PDE4D: variants seen among roughly 807,000 people sequenced by gnomAD.
PDE4D encodes the protein 3',5'-cyclic-AMP phosphodiesterase 4D.
In PDE4D, 24 loss-of-function variants were observed where a neutral mutation model predicts 87.4. The observed-to-expected ratio is 0.27, with a 90% CI of 0.20 to 0.39. The LOEUF is 0.39. Among genes scored for constraint, PDE4D ranks in the 10% least tolerant of loss-of-function variants. PDE4D has a pLI of 1.00. For synonymous variants in PDE4D, 384 were observed against 383.2 expected (o/e 1.00, Z -0.02); for missense variants, 714 against 1,041.0 (o/e 0.69, Z 4.32).
At chr5:60,063,148 A>AGG (rs1771655993) in intron 2 of PDE4D, among the ~76,000 whole-genome samples, 13 of 150,960 alleles carry the variant, frequency 8.6e-5, no homozygotes, top group Admixed American at 7.9e-4. Context: ...GAAAGAAAGA[A>AGG]AGAAAGAAGG....
intron 2 of PDE4D, among the ~76,000 whole-genome samples, chr5:60,058,688 C>A (rs1175558184): frequency 6.6e-6 from 1 of 151,850 alleles, no homozygotes; most frequent in African/African-American, 2.4e-5. Flanking sequence ...AGAATATCCC[C>A]ATAATCATGT....
intron 2 of PDE4D, among the ~76,000 whole-genome samples, chr5:60,094,588 CTTT>C (rs3087200): frequency 5.2e-5 from 3 of 58,180 alleles, no homozygotes; most frequent in Non-Finnish European, 3.1e-5. Flanking sequence ...GAGTGACATG[CTTT>C]TTTTTTTTTT....
intron 1 of PDE4D, among the ~76,000 whole-genome samples, chr5:59,539,143 C>T (rs957725950): frequency 6.6e-6 from 1 of 152,170 alleles, no homozygotes; most frequent in Non-Finnish European, 1.5e-5. Flanking sequence ...ACAAGAATCA[C>T]ATATGTGAGT....
At chr5:60,247,047 C>G (rs1443422381) in intron 1 of PDE4D, among the ~76,000 whole-genome samples, 1 of 151,968 alleles carries the variant, frequency 6.6e-6, no homozygotes, top group Non-Finnish European at 1.5e-5. Context: ...TTGAAGGAGA[C>G]ATTCTTTTTC....
chr5:60,118,670 C>T (rs770920739), intron 2 of PDE4D, among the ~76,000 whole-genome samples: 12 of 151,518 alleles, frequency 7.9e-5, no homozygotes, highest in Non-Finnish European at 1.5e-4. Context: ...GAAATTCCAC[C>T]TCTTACTTTC....
At chr5:59,658,695 G>A (rs910225322) in intron 1 of PDE4D, among the ~76,000 whole-genome samples, 1 of 152,196 alleles carries the variant, frequency 6.6e-6, no homozygotes, top group Non-Finnish European at 1.5e-5. Flanking sequence ...GCAATTGGGT[G>A]TTTGATGTTG....
intron 1 of PDE4D, among the ~76,000 whole-genome samples, chr5:59,498,841 A>G (rs1196049750): frequency 6.6e-6 from 1 of 152,126 alleles, no homozygotes; most frequent in Non-Finnish European, 1.5e-5. Context: ...GGGGAACTTC[A>G]GCACACGAGT....
At chr5:59,308,257 T>C (rs1771830160) in intron 1 of PDE4D, among the ~76,000 whole-genome samples, 1 of 151,704 alleles carries the variant, frequency 6.6e-6, no homozygotes, top group African/African-American at 2.4e-5. Flanking sequence ...ATATACCTAA[T>C]GCTAAATGAC....
At chr5:59,360,548 T>C (rs1019393193) in intron 1 of PDE4D, among the ~76,000 whole-genome samples, 7 of 152,188 alleles carry the variant, frequency 4.6e-5, no homozygotes, top group African/African-American at 7.2e-5. Context: ...ACGGGGCTTG[T>C]GTACTCCTTA....
At chr5:59,881,716 CAG>C (rs1194594753) in intron 1 of PDE4D, among the ~76,000 whole-genome samples, 3 of 152,188 alleles carry the variant, frequency 2.0e-5, no homozygotes, top group African/African-American at 7.2e-5. Flanking sequence ...GAAAAATTGA[CAG>C]AGTCATTATT....
intron 1 of PDE4D, among the ~76,000 whole-genome samples, chr5:60,353,882 T>C (rs1759397143): frequency 6.6e-6 from 1 of 152,134 alleles, no homozygotes; most frequent in African/African-American, 2.4e-5. Flanking sequence ...TTCCATCTCC[T>C]AGAGCACATA....
intron 1 of PDE4D, among the ~76,000 whole-genome samples, chr5:59,569,565 G>A (rs375149156): frequency 6.6e-6 from 1 of 152,050 alleles, no homozygotes; most frequent in Non-Finnish European, 1.5e-5. Context: ...TCGCCACCTG[G>A]ACCAATGCAG....
chr5:60,211,268 G>A (rs555469026), intron 1 of PDE4D, among the ~76,000 whole-genome samples: 39 of 152,264 alleles, frequency 2.6e-4, no homozygotes, highest in Middle Eastern at 6.8e-3. Flanking sequence ...AGGAGTTTGT[G>A]TGGACTTTAA....
At chr5:60,258,772 A>G (rs1170535055) in intron 1 of PDE4D, among the ~76,000 whole-genome samples, 1 of 152,034 alleles carries the variant, frequency 6.6e-6, no homozygotes, top group Non-Finnish European at 1.5e-5. Context: ...TAAGACTTCT[A>G]TGATTTTAAA....
At chr5:60,121,896 G>T (rs1778718097) in intron 2 of PDE4D, among the ~76,000 whole-genome samples, 1 of 152,190 alleles carries the variant, frequency 6.6e-6, no homozygotes, top group Non-Finnish European at 1.5e-5. Flanking sequence ...TCAAAAGCAA[G>T]CTAGTTACTT....
At chr5:59,204,861 T>C (rs528734779) in intron 2 of PDE4D, among the ~76,000 whole-genome samples, 1 of 152,290 alleles carries the variant, frequency 6.6e-6, no homozygotes, top group Non-Finnish European at 1.5e-5. Context: ...ATTTTAAAGG[T>C]CTGCATGTGG....
At chr5:60,014,032 G>A (rs1208293323) in intron 2 of PDE4D, among the ~76,000 whole-genome samples, 2 of 149,926 alleles carry the variant, frequency 1.3e-5, no homozygotes, top group Non-Finnish European at 3.0e-5. Context: ...GGCGGAGGTT[G>A]CCGTGAGCCG....
At chr5:60,434,437 C>CT (rs33916352) in intron 1 of PDE4D, among the ~76,000 whole-genome samples, 22,806 of 148,338 alleles carry the variant, frequency 0.15, 1,778 homozygotes, top group African/African-American at 0.18. Context: ...GAACATGTCT[C>CT]TTTTTTTTTT....
At chr5:59,336,498 G>A (rs1056033408) in intron 1 of PDE4D, among the ~76,000 whole-genome samples, 19 of 152,204 alleles carry the variant, frequency 1.2e-4, no homozygotes, top group Admixed American at 1.2e-3. Context: ...AGAAGCAGGT[G>A]TAATTAATAA....
Sources: allele counts gnomAD v4.1 joint callset (sites outside exome capture counted in the v4.1 genomes callset), GRCh38; gene constraint gnomAD v4.1.1; transcripts MANE v1.5; gene names NCBI Gene and HGNC (gene_info 2026-07-23, HGNC 2026-07-21).